CAMK2D: variants seen among roughly 807,000 people sequenced by gnomAD.
CAMK2D encodes calcium/calmodulin dependent protein kinase II delta, also known as calcium/calmodulin-dependent protein kinase type II subunit delta.
In CAMK2D, 37 loss-of-function variants were observed where a neutral mutation model predicts 84.0. The observed-to-expected ratio is 0.44, with a 90% confidence interval of 0.34 to 0.58. CAMK2D has a LOEUF of 0.58. Among genes scored for constraint, CAMK2D ranks in the 20% least tolerant of loss-of-function variants. The probability of loss-of-function intolerance (pLI) is 0.02; values close to 1 mark genes in which losing one functional copy is unlikely to be tolerated. For missense variants in CAMK2D, 448 were observed against 652.5 expected (o/e 0.69, Z 3.41); for synonymous variants, 202 against 212.5 (o/e 0.95, Z 0.43).
At chr4:113,459,526 A>AT (rs933467063) in intron 18 of CAMK2D, among the ~76,000 whole-genome samples, 5 of 151,666 alleles carry the variant, frequency 3.3e-5, no homozygotes, top group Admixed American at 2.0e-4. Flanking sequence ...TGCCTGCCTA[A>AT]TTTTTTTATA....
intron 4 of CAMK2D, among the ~76,000 whole-genome samples, chr4:113,557,174 C>T (rs2098670775): frequency 2.0e-5 from 3 of 152,162 alleles, no homozygotes; most frequent in Admixed American, 1.3e-4. Context: ...TGTACCACTG[C>T]AATAACTCCT....
At chr4:113,622,359 A>G (rs1397833879) in intron 3 of CAMK2D, among the ~76,000 whole-genome samples, 1 of 152,194 alleles carries the variant, frequency 6.6e-6, no homozygotes, top group East Asian at 1.9e-4. Context: ...CAGCCCCTAG[A>G]AAAGAGGTTA....
chr4:113,463,245 G>C (rs1246658146), intron 17 of CAMK2D, among the ~76,000 whole-genome samples: 2 of 151,880 alleles, frequency 1.3e-5, no homozygotes, highest in East Asian at 3.9e-4. Flanking sequence ...ACTTGCTTAT[G>C]TAAAATTTGG....
intron 3 of CAMK2D, among the ~76,000 whole-genome samples, chr4:113,638,464 C>G (rs1206874185): frequency 1.3e-5 from 2 of 152,032 alleles, no homozygotes; most frequent in East Asian, 3.9e-4. Flanking sequence ...GAATATCTCC[C>G]TTGGGGGTAG....
At chr4:113,474,498 CTTTTTTTTTTTT>C (rs70961831) in intron 16 of CAMK2D, among the ~76,000 whole-genome samples, 10 of 89,822 alleles carry the variant, frequency 1.1e-4, no homozygotes, top group Admixed American at 2.7e-4. Context: ...CCTTTTTGGC[CTTTTTTTTTTTT>C]TTTTTTTTTT....
intron 16 of CAMK2D, among the ~76,000 whole-genome samples, chr4:113,490,734 G>C (rs1298558831): frequency 6.7e-6 from 1 of 149,136 alleles, no homozygotes; most frequent in African/African-American, 2.5e-5. Context: ...ACCTTGGGCA[G>C]TATGGTCATT....
chr4:113,612,065 G>A (rs530194498), intron 3 of CAMK2D, among the ~76,000 whole-genome samples: 1 of 151,912 alleles, frequency 6.6e-6, no homozygotes, highest in African/African-American at 2.4e-5. Flanking sequence ...AGAATTATAA[G>A]AAATTGTCAT....
intron 12 of CAMK2D, 128 bp from the exon 13 acceptor site, chr4:113,509,803 T>A: frequency 4.4e-6 from 3 of 680,892 alleles, no homozygotes; most frequent in Non-Finnish European, 7.9e-6. Context: ...TGGCAAGTTA[T>A]CAAAGTCACA....
chr4:113,667,858 C>A (rs1268778998), intron 2 of CAMK2D, among the ~76,000 whole-genome samples: 1 of 152,188 alleles, frequency 6.6e-6, no homozygotes, highest in Non-Finnish European at 1.5e-5. Flanking sequence ...GCCTTGGAAG[C>A]ATCAGTAAGA....
At chr4:113,712,124 A>AT (rs1270493209) in intron 2 of CAMK2D, among the ~76,000 whole-genome samples, 1 of 152,162 alleles carries the variant, frequency 6.6e-6, no homozygotes, top group Non-Finnish European at 1.5e-5. Context: ...TCATTTAGAG[A>AT]TAAAACTCAT....
At chr4:113,603,275 A>T (rs2098961055) in intron 4 of CAMK2D, among the ~76,000 whole-genome samples, 1 of 151,336 alleles carries the variant, frequency 6.6e-6, no homozygotes, top group Admixed American at 6.6e-5. Context: ...GGTTAGTTAC[A>T]TATGTATACA....
chr4:113,639,420 T>G (rs777169990), intron 3 of CAMK2D, among the ~76,000 whole-genome samples: 5 of 151,442 alleles, frequency 3.3e-5, no homozygotes, highest in Non-Finnish European at 7.4e-5. Context: ...TGGCTTTTTG[T>G]GGGGGGAATA....
At chr4:113,591,706 T>C (rs1230952862) in intron 4 of CAMK2D, among the ~76,000 whole-genome samples, 3 of 152,220 alleles carry the variant, frequency 2.0e-5, no homozygotes, top group African/African-American at 7.2e-5. Flanking sequence ...CACCCTTAAA[T>C]GTAATAGCTC....
chr4:113,746,342 TAACTC>T (rs2099604083), intron 2 of CAMK2D, among the ~76,000 whole-genome samples: 1 of 152,208 alleles, frequency 6.6e-6, no homozygotes. Context: ...CAACAAATAT[TAACTC>T]AATTTCTATA....
intron 2 of CAMK2D, 75 bp downstream of exon 2, chr4:113,759,245 A>T: frequency 1.2e-6 from 1 of 849,118 alleles, no homozygotes; most frequent in Non-Finnish European, 1.9e-6. Flanking sequence ...TACATGATAT[A>T]TTTACATACA....
chr4:113,470,143 T>C (rs112988298), intron 16 of CAMK2D, among the ~76,000 whole-genome samples: 3 of 150,336 alleles, frequency 2.0e-5, no homozygotes, highest in African/African-American at 7.4e-5. Context: ...ATCTGGACTC[T>C]GCCCATCTCA....
intron 4 of CAMK2D, among the ~76,000 whole-genome samples, chr4:113,596,921 G>A (rs1050347572): frequency 8.6e-5 from 13 of 151,590 alleles, no homozygotes; most frequent in East Asian, 3.9e-4. Context: ...CCGGGTTCAC[G>A]CCATTCTCCT....
chr4:113,532,173 T>A (rs1236007794), intron 7 of CAMK2D, among the ~76,000 whole-genome samples: 1 of 152,164 alleles, frequency 6.6e-6, no homozygotes, highest in Non-Finnish European at 1.5e-5. Context: ...TTTATACTTA[T>A]TAAGTACAAA....
chr4:113,663,727 T>C (rs897417835), intron 2 of CAMK2D, among the ~76,000 whole-genome samples: 11 of 150,938 alleles, frequency 7.3e-5, no homozygotes, highest in African/African-American at 1.2e-4. Context: ...TATATATAAA[T>C]CATCTGAAAA....
Sources: allele counts gnomAD v4.1 joint callset (sites outside exome capture counted in the v4.1 genomes callset), GRCh38; gene constraint gnomAD v4.1.1; transcripts MANE v1.5; gene names NCBI Gene and HGNC (gene_info 2026-07-23, HGNC 2026-07-21).